FSD1L: variants seen among roughly 807,000 people sequenced by gnomAD.
FSD1L encodes fibronectin type III and SPRY domain containing 1 like, also known as FSD1-like protein.
FSD1L carries 45 observed loss-of-function variants against 71.6 expected under a neutral mutation model. The ratio of observed to expected loss-of-function variants is 0.63; its 90% CI spans 0.49 to 0.81. The LOEUF (loss-of-function observed/expected upper bound fraction) is 0.81. Among genes scored for constraint, FSD1L ranks in the 30% least tolerant of loss-of-function variants. The probability of loss-of-function intolerance (pLI) is 0.00; values close to 1 mark genes in which losing one functional copy is unlikely to be tolerated. For missense variants in FSD1L, 561 were observed against 618.1 expected (o/e 0.91, Z 0.98); for synonymous variants, 197 against 207.2 (o/e 0.95, Z 0.42).
intron 1 of FSD1L, among the ~76,000 whole-genome samples, chr9:105,456,040 T>A (rs1433156121): frequency 6.6e-6 from 1 of 152,236 alleles, no homozygotes; most frequent in African/African-American, 2.4e-5. Context: ...TGGATGCTGA[T>A]GCCCTCTGAT....
intron 10 of FSD1L, among the ~76,000 whole-genome samples, chr9:105,530,218 C>T (rs932915444): frequency 5.3e-5 from 8 of 152,122 alleles, no homozygotes; most frequent in Non-Finnish European, 1.2e-4. Flanking sequence ...GCTGGTAAAA[C>T]AGTCCAGACT....
intron 7 of FSD1L, chr9:105,500,894 T>C (rs1337590678): frequency 1.3e-5 from 2 of 152,260 alleles, no homozygotes; most frequent in African/African-American, 2.4e-5. Flanking sequence ...AGCTTAATAA[T>C]ATCAGAAAGG....
At chr9:105,535,998 A>C (rs1046449322) in intron 12 of FSD1L, among the ~76,000 whole-genome samples, 1 of 152,220 alleles carries the variant, frequency 6.6e-6, no homozygotes, top group Non-Finnish European at 1.5e-5. Flanking sequence ...TTTCCCCTCA[A>C]TATCAGAATT....
intron 10 of FSD1L, among the ~76,000 whole-genome samples, chr9:105,532,768 G>C (rs1314339435): frequency 6.6e-6 from 1 of 152,116 alleles, no homozygotes; most frequent in African/African-American, 2.4e-5. Flanking sequence ...GAAATCCCTT[G>C]GGAAGAATTA....
At position 105,525,010 on chromosome 9, in the gene FSD1L, T is replaced by C. The variant is rs1835419264; in HGVS notation, c.1026-9483T>C. Reference sequence around the variant, plus strand: ...ATATGCCTGGAGGAGGTTTATCTGCTGGCCTTGCATCAGCCAATTCAAATG... The same window carrying C: ...ATATGCCTGGAGGAGGTTTATCTGCCGGCCTTGCATCAGCCAATTCAAATG... On this transcript the variant is annotated intron_variant, in intron 10 of 13. Coordinates refer to ENST00000481272, the MANE Select transcript of FSD1L (RefSeq NM_001145313.3). 3.8e-6 allele frequency: 6 copies of C among 1,568,270 alleles called. No individual in the cohort carries two copies. In the African/African-American group the frequency reaches 4.1e-5, roughly 11 times the overall value.
intron 7 of FSD1L, among the ~76,000 whole-genome samples, chr9:105,486,256 C>T (rs1252391500): frequency 6.6e-6 from 1 of 152,098 alleles, no homozygotes; most frequent in Non-Finnish European, 1.5e-5. Flanking sequence ...ATTCACAGGG[C>T]TCTACTTAAG....
Position 105,551,539 on chromosome 9 carries a change from A to C in FSD1L, c.*5056A>C, listed in dbSNP as rs1284455920. The C allele has an allele frequency of 6.6e-6, 1 of 152,188 alleles. No individual in the cohort carries two copies. Among genetic ancestry groups the C allele is most frequent in the African/African-American group, 2.4e-5 (1 of 41,452 alleles). The allele number at this position is 152,188 out of a possible 1,614,324, so 9.4% of individuals were successfully genotyped here. On this transcript the variant is annotated 3_prime_UTR_variant, in exon 14 of 14. Coordinates refer to ENST00000481272, the MANE Select transcript of FSD1L (RefSeq NM_001145313.3). Reference sequence around the variant, plus strand: ...ATGTAAAGTGTTGTTTTTAGCTAATAATGGATTTAAGTGTTTGGATAATTG... The same window carrying C: ...ATGTAAAGTGTTGTTTTTAGCTAATCATGGATTTAAGTGTTTGGATAATTG...
intron 10 of FSD1L, chr9:105,522,913 C>G (rs1835268482): frequency 1.2e-6 from 2 of 1,611,450 alleles, no homozygotes; most frequent in African/African-American, 1.3e-5. Flanking sequence ...ATTGATGACC[C>G]AGGTGTGCCC....
intron 4 of FSD1L, 36 bp downstream of exon 4, chr9:105,468,360 T>A (rs1013738216): frequency 1.4e-6 from 2 of 1,443,750 alleles, no homozygotes; most frequent in Non-Finnish European, 1.8e-6. Context: ...TGGATAATTT[T>A]AGTCTATTTA....
At chr9:105,521,363 A>G in intron 10 of FSD1L, 4 of 1,614,170 alleles carry the variant, frequency 2.5e-6, no homozygotes, top group East Asian at 2.2e-5. Context: ...ATTCCAATAC[A>G]AGCACTCTCA....
intron 13 of FSD1L, among the ~76,000 whole-genome samples, chr9:105,545,714 G>C (rs917206696): frequency 6.6e-6 from 1 of 152,012 alleles, no homozygotes; most frequent in African/African-American, 2.4e-5. Flanking sequence ...CTGTTTATAT[G>C]CTGGATTACG....
rs114873235 is a variant in FSD1L, at chr9:105,514,950, G to A, written c.1025+2014G>A. Among the ~76,000 whole-genome samples, 1,263 of 152,224 alleles carry A rather than the reference G, an allele frequency of 8.3e-3. 20 individuals are homozygous for A. Among genetic ancestry groups the A allele is most frequent in the African/African-American group, 0.029 (1,207 of 41,550 alleles). ...GACCATCACTCCTCCCCTGACCTCTGCCCTAAAGCAGTTTTACGCAGAGAC... is the reference window on the plus strand; with the variant it reads ...GACCATCACTCCTCCCCTGACCTCTACCCTAAAGCAGTTTTACGCAGAGAC... On this transcript the variant is annotated intron_variant, in intron 10 of 13. Transcript: ENST00000481272.
At chr9:105,450,248 A>G (rs1829906661) in intron 1 of FSD1L, among the ~76,000 whole-genome samples, 1 of 152,214 alleles carries the variant, frequency 6.6e-6, no homozygotes, top group African/African-American at 2.4e-5. Flanking sequence ...CTGTTATGGA[A>G]TGTACATTGA....
At chr9:105,489,887 C>G (rs531543471) in intron 7 of FSD1L, among the ~76,000 whole-genome samples, 120 of 152,320 alleles carry the variant, frequency 7.9e-4, no homozygotes, top group Non-Finnish European at 1.3e-3. Context: ...GCTACGTTTT[C>G]TTAATCCAGT....
intron 3 of FSD1L, 68 bp from the exon 4 acceptor site, chr9:105,468,125 C>T: frequency 5.7e-6 from 6 of 1,058,204 alleles, no homozygotes; most frequent in Non-Finnish European, 6.3e-6. Flanking sequence ...CTCTTTTGGG[C>T]ATACCTTTTA....
rs148178415 is a variant in FSD1L, at chr9:105,532,894, T to G, written c.1026-1599T>G. On this transcript the variant is annotated intron_variant, in intron 10 of 13. Coordinates refer to ENST00000481272, the MANE Select transcript of FSD1L (RefSeq NM_001145313.3). ...GTTCTTTGAAATTGTCTAATAAGTC[T>G]GATTTCTGACAGCAAGACATTTAAA... Among the ~76,000 whole-genome samples, 683 of 152,336 alleles carry G rather than the reference T, an allele frequency of 4.5e-3. 4 individuals are homozygous for G. Among genetic ancestry groups the G allele is most frequent in the Admixed American group, 0.012 (184 of 15,300 alleles).
intron 2 of FSD1L, among the ~76,000 whole-genome samples, chr9:105,462,748 C>T (rs1032473516): frequency 6.7e-6 from 1 of 149,276 alleles, no homozygotes; most frequent in African/African-American, 2.4e-5. Flanking sequence ...GTCTCAAACT[C>T]CTGACCTCAA....
chr9:105,527,663 A>T (rs1277807955), intron 10 of FSD1L, among the ~76,000 whole-genome samples: 12 of 152,006 alleles, frequency 7.9e-5, no homozygotes, highest in Admixed American at 7.9e-4. Flanking sequence ...GTGGGGGGAA[A>T]AGATGACATG....
intron 13 of FSD1L, among the ~76,000 whole-genome samples, chr9:105,542,586 T>C (rs538214152): frequency 6.6e-6 from 1 of 152,148 alleles, no homozygotes; most frequent in Non-Finnish European, 1.5e-5. Context: ...CCCGAGTAGC[T>C]GGGATTACAG....
Sources: gnomAD v4.1 joint callset for allele counts (sites outside exome capture counted in the v4.1 genomes callset) on GRCh38, gnomAD v4.1.1 for gene constraint, MANE v1.5 for transcripts, NCBI Gene and HGNC (gene_info 2026-07-23, HGNC 2026-07-21) for gene names.